Variants in AGXT2 observed in about 807,000 individuals in gnomAD.
The protein encoded by AGXT2 is alanine--glyoxylate aminotransferase 2.
Under a neutral mutation model 62.5 loss-of-function variants are expected in AGXT2, and 61 were observed. The ratio of observed to expected loss-of-function variants is 0.98; its 90% CI spans 0.79 to 1.21. AGXT2 has a LOEUF of 1.21. AGXT2 is among the 50% of genes most tolerant of loss of function. AGXT2 has a pLI of 0.00. For missense variants in AGXT2, 666 were observed against 641.5 expected, an observed-to-expected ratio of 1.04 and a Z score of -0.41; for synonymous variants, 243 against 218.7, an observed-to-expected ratio of 1.11 and a Z score of -0.98.
intron 1 of AGXT2, among the ~76,000 whole-genome samples, chr5:35,040,897 C>T (rs1363668536): frequency 6.6e-6 from 1 of 152,124 alleles, no homozygotes; most frequent in Non-Finnish European, 1.5e-5. Context: ...ACGGCAGTCC[C>T]TCACAAACTT....
At chr5:35,043,193 G>A (rs1434488751) in intron 1 of AGXT2, among the ~76,000 whole-genome samples, 4 of 152,136 alleles carry the variant, frequency 2.6e-5, no homozygotes, top group South Asian at 4.2e-4. Flanking sequence ...AATTTTTTTG[G>A]CATTTGGAAA....
At chr5:35,047,256 T>C (rs1162700579) in intron 1 of AGXT2, among the ~76,000 whole-genome samples, 1 of 152,030 alleles carries the variant, frequency 6.6e-6, no homozygotes, top group African/African-American at 2.4e-5. Context: ...TTGAGCAACA[T>C]AGTAAAACCC....
At chr5:35,013,932 C>T in intron 10 of AGXT2, 55 bp downstream of exon 10, 4 of 1,612,850 alleles carry the variant, frequency 2.5e-6, no homozygotes, top group Admixed American at 1.7e-5. Context: ...ACGTGTTATA[C>T]CATAGCCCAA....
At chr5:35,006,664 G>C (rs1192421441) in intron 12 of AGXT2, among the ~76,000 whole-genome samples, 2 of 152,180 alleles carry the variant, frequency 1.3e-5, no homozygotes, top group Non-Finnish European at 2.9e-5. Context: ...GAGATTTGGA[G>C]GGACAAACAT....
At chr5:35,030,949 G>T (rs961817752) in intron 7 of AGXT2, among the ~76,000 whole-genome samples, 1 of 152,202 alleles carries the variant, frequency 6.6e-6, no homozygotes, top group Non-Finnish European at 1.5e-5. Context: ...TGCCGTGATG[G>T]TGTTGGCAGC....
At chr5:35,000,496 T>A (rs1766187540) in intron 13 of AGXT2, among the ~76,000 whole-genome samples, 1 of 152,188 alleles carries the variant, frequency 6.6e-6, no homozygotes, top group African/African-American at 2.4e-5. Flanking sequence ...TTCTCCTGCC[T>A]CAGCCTCCTG....
At chr5:35,039,245 A>C in intron 3 of AGXT2, 79 bp downstream of exon 3, 1 of 1,483,454 alleles carries the variant, frequency 6.7e-7, no homozygotes, top group Non-Finnish European at 9.4e-7. Flanking sequence ...TAAGCAAATC[A>C]AGAGTTCAGA....
intron 9 of AGXT2, among the ~76,000 whole-genome samples, chr5:35,023,316 G>A (rs998256057): frequency 2.6e-5 from 4 of 152,126 alleles, no homozygotes; most frequent in African/African-American, 7.2e-5. Context: ...CAGTTGATAG[G>A]TATGAACTGA....
intron 8 of AGXT2, 144 bp from the exon 9 acceptor site, chr5:35,025,999 T>C (rs1021231256): frequency 4.7e-5 from 35 of 746,734 alleles, no homozygotes; most frequent in Non-Finnish European, 7.5e-5. Context: ...GTTTCCACTG[T>C]GGGTGAAAAG....
intron 12 of AGXT2, among the ~76,000 whole-genome samples, chr5:35,007,028 A>C (rs1489545713): frequency 6.6e-6 from 1 of 152,232 alleles, no homozygotes; most frequent in Non-Finnish European, 1.5e-5. Context: ...CTCAAAATTC[A>C]TATATTGAAA....
chr5:35,032,208 TC>T (rs71600966), intron 7 of AGXT2, among the ~76,000 whole-genome samples: 2 of 151,952 alleles, frequency 1.3e-5, no homozygotes, highest in Non-Finnish European at 2.9e-5. Flanking sequence ...CGCCTCAACC[TC>T]CCAAAGTGCT....
At chr5:35,030,508 CAA>C (rs34547590) in intron 7 of AGXT2, among the ~76,000 whole-genome samples, 4 of 151,262 alleles carry the variant, frequency 2.6e-5, no homozygotes, top group South Asian at 2.1e-4. Flanking sequence ...GACTTTGTCT[CAA>C]AAAAAAAAAT....
chr5:35,038,609 C>T (rs1767869240), intron 3 of AGXT2, among the ~76,000 whole-genome samples: 1 of 152,164 alleles, frequency 6.6e-6, no homozygotes, highest in South Asian at 2.1e-4. Context: ...CTCTTTGCCT[C>T]CTGCTTTGAT....
chr5:35,035,756 CTA>C (rs1226310374), intron 4 of AGXT2, among the ~76,000 whole-genome samples: 1 of 152,172 alleles, frequency 6.6e-6, no homozygotes, highest in Non-Finnish European at 1.5e-5. Context: ...CCCAGCCTGA[CTA>C]TGCTGTGTGT....
intron 12 of AGXT2, among the ~76,000 whole-genome samples, chr5:35,006,071 A>G (rs1426172666): frequency 6.6e-6 from 1 of 152,142 alleles, no homozygotes; most frequent in African/African-American, 2.4e-5. Context: ...TTTTAATAAT[A>G]TATGGTATAT....
chr5:35,047,252 A>G (rs1050788660), intron 1 of AGXT2, among the ~76,000 whole-genome samples: 2 of 152,156 alleles, frequency 1.3e-5, no homozygotes, highest in Non-Finnish European at 2.9e-5. Flanking sequence ...CAACTTGAGC[A>G]ACATAGTAAA....
chr5:35,028,726 C>G (rs191336001), intron 7 of AGXT2, among the ~76,000 whole-genome samples: 1 of 152,164 alleles, frequency 6.6e-6, no homozygotes, highest in Admixed American at 6.5e-5. Context: ...TAAACAGTAC[C>G]ATGCAGTCTC....
At chr5:34,999,481 C>T (rs932755116) in intron 13 of AGXT2, among the ~76,000 whole-genome samples, 2 of 152,122 alleles carry the variant, frequency 1.3e-5, no homozygotes, top group Non-Finnish European at 2.9e-5. Flanking sequence ...CACAGCCAAT[C>T]CCAGCGCTAA....
chr5:35,013,020 G>A lies in AGXT2; in HGVS notation c.1122C>T (p.Cys374=), dbSNP rs750663551. 6.4e-7 allele frequency: 1 copy of A among 1,551,704 alleles called. No individual in the cohort carries two copies. The highest frequency in any genetic ancestry group is 1.2e-5 in the South Asian group (1 of 84,064). ...CTCCAAAGGTGTTGAAGTGCTGCAG[G>A]CATTTCGCCAAAGATTTGGCAATCT... ...TPEIAKSLAK[C]LQHFNTFGGN... The change falls in exon 11 of 14, where the codon TGC becomes TGT. Residue 374 remains cysteine, a synonymous_variant. Coordinates refer to ENST00000231420, the MANE Select transcript of AGXT2 (RefSeq NM_031900.4).
Sources: gnomAD v4.1 joint callset for allele counts (sites outside exome capture counted in the v4.1 genomes callset) on GRCh38, gnomAD v4.1.1 for gene constraint, MANE v1.5 for transcripts, NCBI Gene and HGNC (gene_info 2026-07-23, HGNC 2026-07-21) for gene names.